Variants in EPB41L3 observed in about 807,000 individuals in gnomAD.
The protein encoded by EPB41L3 is band 4.1-like protein 3.
A neutral mutation model predicts 127.1 loss-of-function variants in EPB41L3; 57 were observed. That is an observed-to-expected ratio of 0.45 (90% CI 0.36 to 0.56). EPB41L3 has a LOEUF of 0.56. EPB41L3 is among the 20% of genes least tolerant of loss of function. The pLI, the probability that EPB41L3 is intolerant of heterozygous loss-of-function variation, is 0.00. For synonymous variants in EPB41L3, 572 were observed against 549.5 expected (o/e 1.04, Z -0.57); for missense variants, 1,273 against 1,372.2 (o/e 0.93, Z 1.14).
rs190549468 is a variant in EPB41L3, at chr18:5,605,031, C to T, written c.-306+7309G>A. ...GCCTCTGCCGAAGACAACTGCTTACCTCAGGTCACACCTCCTCCTGGGGAG... is the reference window on the plus strand; with the variant it reads ...GCCTCTGCCGAAGACAACTGCTTACTTCAGGTCACACCTCCTCCTGGGGAG... On this transcript the variant is annotated intron_variant, in intron 3 of 21. Transcript: ENST00000545076. Among the ~76,000 whole-genome samples the T allele has an allele frequency of 1.3e-4, 20 of 152,226 alleles. 1 individual carries two copies. The East Asian group carries it at 3.5e-3, about 27-fold the overall frequency.
At chr18:5,417,291 A>G (rs917818711) in intron 12 of EPB41L3, among the ~76,000 whole-genome samples, 1 of 152,168 alleles carries the variant, frequency 6.6e-6, no homozygotes, top group African/African-American at 2.4e-5. Context: ...AGGGTTTTCC[A>G]CAGGTGCTCC....
intron 3 of EPB41L3, among the ~76,000 whole-genome samples, chr18:5,593,196 A>T (rs1319635374): frequency 8.7e-6 from 1 of 115,276 alleles, no homozygotes; most frequent in Non-Finnish European, 1.8e-5. Context: ...CACCCACCTC[A>T]CCCCCACCCC....
At chr18:5,437,662 T>TA (rs1472748682) in intron 6 of EPB41L3, among the ~76,000 whole-genome samples, 1 of 152,212 alleles carries the variant, frequency 6.6e-6, no homozygotes, top group African/African-American at 2.4e-5. Flanking sequence ...GTTGGTTATA[T>TA]AAAAAGCACA....
intron 1 of EPB41L3, among the ~76,000 whole-genome samples, chr18:5,528,042 T>C (rs888608810): frequency 1.3e-5 from 2 of 151,982 alleles, no homozygotes; most frequent in African/African-American, 4.8e-5. Flanking sequence ...ATGCTAGAAA[T>C]AGTGATGTGG....
At chr18:5,485,047 C>G (rs1408786677) in intron 2 of EPB41L3, among the ~76,000 whole-genome samples, 2 of 151,902 alleles carry the variant, frequency 1.3e-5, no homozygotes, top group African/African-American at 2.4e-5. Flanking sequence ...ACAAAACCTA[C>G]AGGCCAATAT....
intron 3 of EPB41L3, among the ~76,000 whole-genome samples, chr18:5,452,097 G>A (rs540315794): frequency 4.1e-4 from 62 of 152,140 alleles, no homozygotes; most frequent in African/African-American, 1.1e-3. Context: ...CATCCACCTC[G>A]GCCTCCCAAA....
Position 5,484,694 on chromosome 18 carries a change from G to T in EPB41L3, c.183+4307C>A, listed in dbSNP as rs183313028. 5.3e-5 allele frequency among the ~76,000 whole-genome samples: 8 copies of T among 151,912 alleles called. No individual in the cohort carries two copies. In the South Asian group the frequency reaches 1.7e-3, roughly 32 times the overall value. On this transcript the variant is annotated intron_variant, in intron 2 of 22. Coordinates refer to ENST00000341928, the MANE Select transcript of EPB41L3 (RefSeq NM_012307.5). ...CTAAGAAATATGAAGACTCATTAGC[G>T]ACTATTATGAACAACTATATGGCAA...
intron 3 of EPB41L3, among the ~76,000 whole-genome samples, chr18:5,561,026 G>C (rs1052925634): frequency 1.4e-5 from 2 of 146,008 alleles, no homozygotes; most frequent in Non-Finnish European, 3.0e-5. Flanking sequence ...CGCCCAGGCT[G>C]GAGTGCAGTG....
At chr18:5,424,467 T>A in intron 9 of EPB41L3, 108 bp from the exon 10 acceptor site, 1 of 802,788 alleles carries the variant, frequency 1.2e-6, no homozygotes, top group Admixed American at 2.9e-5. Flanking sequence ...AAAAATTTAC[T>A]TACTAGATCA....
intron 3 of EPB41L3, among the ~76,000 whole-genome samples, chr18:5,452,159 T>A (rs532154334): frequency 3.9e-5 from 6 of 152,296 alleles, no homozygotes; most frequent in Non-Finnish European, 5.9e-5. Context: ...CTGCATTTTT[T>A]AAATATACCC....
intron 1 of EPB41L3, among the ~76,000 whole-genome samples, chr18:5,625,778 C>T (rs987640389): frequency 3.3e-5 from 5 of 152,088 alleles, no homozygotes; most frequent in African/African-American, 9.7e-5. Flanking sequence ...CATTCCTATC[C>T]CCATTTCACT....
At chr18:5,496,161 T>C (rs374163630) in intron 1 of EPB41L3, among the ~76,000 whole-genome samples, 1 of 152,268 alleles carries the variant, frequency 6.6e-6, no homozygotes, top group African/African-American at 2.4e-5. Flanking sequence ...TTTTAGCTTT[T>C]AAGTTCAAAA....
At chr18:5,620,083 A>G (rs768391171) in intron 1 of EPB41L3, among the ~76,000 whole-genome samples, 1 of 152,156 alleles carries the variant, frequency 6.6e-6, no homozygotes, top group Non-Finnish European at 1.5e-5. Flanking sequence ...TGTTTCAACA[A>G]CCCTGAGCTA....
At chr18:5,412,365 A>G (rs1270199511) in intron 13 of EPB41L3, among the ~76,000 whole-genome samples, 3 of 152,020 alleles carry the variant, frequency 2.0e-5, no homozygotes, top group African/African-American at 7.2e-5. Context: ...AGCTGGGACT[A>G]TAGGTGCATG....
intron 1 of EPB41L3, among the ~76,000 whole-genome samples, chr18:5,619,361 T>C (rs1358525688): frequency 1.3e-5 from 2 of 152,230 alleles, no homozygotes; most frequent in Admixed American, 6.5e-5. Flanking sequence ...TTCTTTTTTA[T>C]GTTTTTTTTC....
chr18:5,548,083 A>C (rs2093910204), upstream of EPB41L3, among the ~76,000 whole-genome samples: 1 of 152,218 alleles, frequency 6.6e-6, no homozygotes, highest in Admixed American at 6.5e-5. Context: ...ACTGGCAATA[A>C]CTAGTTGAGG....
intron 3 of EPB41L3, among the ~76,000 whole-genome samples, chr18:5,549,721 G>A (rs2093937366): frequency 6.6e-6 from 1 of 152,144 alleles, no homozygotes; most frequent in Admixed American, 6.6e-5. Flanking sequence ...TTTTTAACAA[G>A]TTCCCCAGGT....
intron 1 of EPB41L3, among the ~76,000 whole-genome samples, chr18:5,526,008 A>C (rs2148872480): frequency 6.6e-6 from 1 of 152,304 alleles, no homozygotes; most frequent in South Asian, 2.1e-4. Context: ...GTATCAGATA[A>C]AAGGCCACCA....
chr18:5,629,343 C>T (rs1327267977), upstream of EPB41L3, among the ~76,000 whole-genome samples: 1 of 151,668 alleles, frequency 6.6e-6, no homozygotes, highest in African/African-American at 2.4e-5. Flanking sequence ...GTCCCTGCGG[C>T]TCCGCCGGGC....
Sources: allele counts gnomAD v4.1 joint callset (sites outside exome capture counted in the v4.1 genomes callset), GRCh38; gene constraint gnomAD v4.1.1; transcripts MANE v1.5; gene names NCBI Gene and HGNC (gene_info 2026-07-23, HGNC 2026-07-21).